Variants in KCNJ6 observed in about 807,000 individuals in gnomAD.
KCNJ6 encodes the protein G protein-activated inward rectifier potassium channel 2.
A neutral mutation model predicts 34.2 loss-of-function variants in KCNJ6; 9 were observed. The observed-to-expected ratio is 0.26, with a 90% CI of 0.16 to 0.46. The LOEUF is 0.46. KCNJ6 is among the 20% of genes least tolerant of loss of function. The probability of loss-of-function intolerance (pLI) is 1.00; values close to 1 mark genes in which losing one functional copy is unlikely to be tolerated. For missense variants in KCNJ6, 236 were observed against 531.3 expected (o/e 0.44, Z 5.46); for synonymous variants, 196 against 207.1 (o/e 0.95, Z 0.46).
chr21:37,891,710 A>AC (rs1437868559), intron 1 of KCNJ6, among the ~76,000 whole-genome samples: 1 of 151,868 alleles, frequency 6.6e-6, no homozygotes, highest in African/African-American at 2.4e-5. Flanking sequence ...CCTCTCAGTG[A>AC]CCCCCTCATA....
intron 2 of KCNJ6, among the ~76,000 whole-genome samples, chr21:37,763,159 C>T (rs1373203542): frequency 1.3e-5 from 2 of 151,988 alleles, no homozygotes; most frequent in Admixed American, 6.5e-5. Context: ...CAAGTCACCA[C>T]CCGCTCCCAG....
intron 3 of KCNJ6, among the ~76,000 whole-genome samples, chr21:37,655,629 T>C (rs1048294027): frequency 6.6e-6 from 1 of 152,176 alleles, no homozygotes; most frequent in Non-Finnish European, 1.5e-5. Context: ...TATTTAAGTA[T>C]AAAATTATCT....
At chr21:37,880,362 G>A (rs1467544309) in intron 1 of KCNJ6, among the ~76,000 whole-genome samples, 2 of 152,234 alleles carry the variant, frequency 1.3e-5, no homozygotes, top group African/African-American at 2.4e-5. Context: ...AGAAACATTG[G>A]AATTTAGTCC....
rs944977781 is a variant in KCNJ6, at chr21:37,671,846, A to T, written c.946+42365T>A. 1.2e-4 allele frequency among the ~76,000 whole-genome samples: 18 copies of T among 152,048 alleles called. No homozygotes were observed. In the East Asian group the frequency reaches 3.1e-3, roughly 26 times the overall value. ...TGTAAGAGTATAGTACGAGATGCGG[A>T]GTTTGTTTCTTCCTAGGTCCTTATG... is the stretch of plus-strand genomic sequence containing the variant. On this transcript the variant is annotated intron_variant, in intron 3 of 3. Transcript: ENST00000609713.
chr21:37,733,221 T>C (rs1025108521), intron 2 of KCNJ6, among the ~76,000 whole-genome samples: 6 of 152,214 alleles, frequency 3.9e-5, no homozygotes, highest in African/African-American at 1.4e-4. Flanking sequence ...TAGAATTACT[T>C]TTACTTAAAC....
chr21:37,655,397 G>A (rs2835873), intron 3 of KCNJ6, among the ~76,000 whole-genome samples: 23,833 of 152,058 alleles, frequency 0.16, 3,032 homozygotes, highest in African/African-American at 0.35. Context: ...GCAAATCAAA[G>A]CTGAAATTAT....
At chr21:37,761,870 C>T (rs2055067187) in intron 2 of KCNJ6, among the ~76,000 whole-genome samples, 1 of 152,218 alleles carries the variant, frequency 6.6e-6, no homozygotes, top group South Asian at 2.1e-4. Context: ...CATGCACTCA[C>T]TTTTGCACCT....
Position 37,625,297 on chromosome 21 carries a change from C to T in KCNJ6, c.1134G>A (p.Glu378=). The change falls in exon 4 of 4, where the codon GAG becomes GAA. Residue 378 remains glutamate (E), a synonymous_variant. Transcript: ENST00000609713. ...KELAELASRA[E]LPLSWSVSSK... The stretch of plus-strand genomic sequence containing the variant: ...TGGATACAGACCAACTCAGGGGCAG[C>T]TCTGCCCTGCTGGCTAACTCGGCCA... 1 of 1,614,232 alleles carries T rather than the reference C, an allele frequency of 6.2e-7. No homozygotes were observed. Among genetic ancestry groups the T allele is most frequent in the Non-Finnish European group, 8.5e-7 (1 of 1,180,024 alleles).
At chr21:37,787,363 C>T (rs1172532402) in intron 2 of KCNJ6, among the ~76,000 whole-genome samples, 1 of 152,190 alleles carries the variant, frequency 6.6e-6, no homozygotes, top group Non-Finnish European at 1.5e-5. Flanking sequence ...CCTGGACACA[C>T]AGTGATGCCC....
At chr21:37,902,625 C>A (rs2055822266) in intron 1 of KCNJ6, among the ~76,000 whole-genome samples, 2 of 152,010 alleles carry the variant, frequency 1.3e-5, no homozygotes, top group South Asian at 4.2e-4. Context: ...ATAGGGGATA[C>A]AATAATGTGT....
rs1569428358 is a variant in KCNJ6 at position 37,610,278 on chromosome 21, T to C, written c.*14881A>G. ...AGATGAGGAAACTACAGCAGATTAG[T>C]CTTTTTGCTTAAGCTTGCATGGAAT... On this transcript the variant is annotated 3_prime_UTR_variant, in exon 4 of 4. Transcript: ENST00000609713. The C allele has an allele frequency of 6.6e-6, 1 of 151,446 alleles. No individual in the cohort carries two copies. Among genetic ancestry groups the C allele is most frequent in the Non-Finnish European group, 1.5e-5 (1 of 67,526 alleles). 9.4% of individuals were successfully genotyped at this position (151,446 alleles called of 1,614,324 possible).
intron 1 of KCNJ6, among the ~76,000 whole-genome samples, chr21:37,842,502 G>C (rs1371146873): frequency 2.6e-5 from 4 of 152,222 alleles, no homozygotes; most frequent in Non-Finnish European, 4.4e-5. Context: ...CTGTATTCAT[G>C]ACAACGAAAT....
chr21:37,884,329 T>C (rs955099229), intron 1 of KCNJ6, among the ~76,000 whole-genome samples: 1 of 152,184 alleles, frequency 6.6e-6, no homozygotes, highest in Non-Finnish European at 1.5e-5. Flanking sequence ...CTCAAGTTCA[T>C]GGTCATGCTT....
chr21:37,629,432 A>G (rs1385983079), intron 3 of KCNJ6, among the ~76,000 whole-genome samples: 1 of 152,146 alleles, frequency 6.6e-6, no homozygotes, highest in East Asian at 1.9e-4. Context: ...TGAAGTCCTA[A>G]TCTCCGGTAT....
At chr21:37,664,321 A>G (rs1240603797) in intron 3 of KCNJ6, among the ~76,000 whole-genome samples, 1 of 152,146 alleles carries the variant, frequency 6.6e-6, no homozygotes, top group Non-Finnish European at 1.5e-5. Flanking sequence ...CAGCCAGAGA[A>G]AAAGAAATAA....
At chr21:37,639,974 T>G (rs1269954956) in intron 3 of KCNJ6, among the ~76,000 whole-genome samples, 1 of 152,234 alleles carries the variant, frequency 6.6e-6, no homozygotes, top group Admixed American at 6.5e-5. Flanking sequence ...CTGTACAGCC[T>G]GCAGATCTGT....
intron 2 of KCNJ6, among the ~76,000 whole-genome samples, chr21:37,829,738 T>C (rs1002767450): frequency 6.6e-6 from 1 of 152,178 alleles, no homozygotes; most frequent in Admixed American, 6.5e-5. Context: ...TGTGAACCCA[T>C]GCGAGAGAGG....
At chr21:37,780,723 T>G (rs1209683483) in intron 2 of KCNJ6, among the ~76,000 whole-genome samples, 1 of 152,106 alleles carries the variant, frequency 6.6e-6, no homozygotes, top group Non-Finnish European at 1.5e-5. Context: ...ACTAAAAGAC[T>G]ACATAATTGG....
chr21:37,616,610 T>TATATATA lies in KCNJ6; in HGVS notation c.*8548_*8549insTATATAT, dbSNP rs201078536. The TATATATA allele has an allele frequency of 7.2e-4, 78 of 108,102 alleles. 9 individuals carry two copies. The highest frequency in any genetic ancestry group is 2.8e-3 in the African/African-American group (74 of 26,448). The allele number at this position is 108,102 out of a possible 1,614,324, so 6.7% of individuals were successfully genotyped here. A position where few individuals can be genotyped will look rare whatever the true frequency, so the allele number is the denominator to read the frequency against. On this transcript the variant is annotated 3_prime_UTR_variant, in exon 4 of 4. Transcript: ENST00000609713. ...ATGTACATATATATATATATATATA[T>TATATATA]ATATATGGTTAGACTCTGAACATAT...
Sources: gnomAD v4.1 joint callset for allele counts (sites outside exome capture counted in the v4.1 genomes callset) on GRCh38, gnomAD v4.1.1 for gene constraint, MANE v1.5 for transcripts, NCBI Gene and HGNC (gene_info 2026-07-23, HGNC 2026-07-21) for gene names.